The following CNTLN variants were observed in gnomAD, a reference collection of about 807,000 sequenced individuals.
The protein encoded by CNTLN is centlein, centrosomal protein.
In CNTLN, 212 loss-of-function variants were observed where a neutral mutation model predicts 180.0. The ratio of observed to expected loss-of-function variants is 1.18; its 90% confidence interval spans 1.05 to 1.32. The LOEUF is 1.32. Among genes scored for constraint, CNTLN ranks in the 40% most tolerant of loss-of-function variants. CNTLN has a pLI of 0.00. For missense variants in CNTLN, 2,095 were observed against 1,610.9 expected (o/e 1.30, Z -5.14); for synonymous variants, 722 against 563.1 (o/e 1.28, Z -3.99).
At chr9:17,472,965 G>T (rs567559013) in intron 23 of CNTLN, among the ~76,000 whole-genome samples, 1 of 152,082 alleles carries the variant, frequency 6.6e-6, no homozygotes, top group Admixed American at 6.5e-5. Flanking sequence ...ATGCAGCATG[G>T]ATTCTGTGTT....
At chr9:17,512,372 C>T in the CNTLN span, among the ~76,000 whole-genome samples, 54,968 of 152,060 alleles carry the variant, frequency 0.36, 10,181 homozygotes, top group East Asian at 0.46. Context: ...TTTGCAGCAA[C>T]ATGGATGCAG....
At chr9:17,256,591 G>T (rs1278466619) in intron 5 of CNTLN, among the ~76,000 whole-genome samples, 1 of 150,290 alleles carries the variant, frequency 6.7e-6, no homozygotes, top group African/African-American at 2.5e-5. Flanking sequence ...GCTCTTAGTT[G>T]TCTTTTATTT....
chr9:17,259,501 G>C (rs1010470461), intron 5 of CNTLN, among the ~76,000 whole-genome samples: 3 of 149,412 alleles, frequency 2.0e-5, no homozygotes, highest in African/African-American at 7.6e-5. Flanking sequence ...AAATGAGTTT[G>C]GGAGGATTCC....
At chr9:17,337,795 T>C (rs1489149120) in intron 10 of CNTLN, among the ~76,000 whole-genome samples, 1 of 152,184 alleles carries the variant, frequency 6.6e-6, no homozygotes, top group Non-Finnish European at 1.5e-5. Context: ...TAACAGAGAA[T>C]CATTGTGAAA....
intron 2 of CNTLN, among the ~76,000 whole-genome samples, chr9:17,168,713 C>G (rs2131634402): frequency 6.6e-6 from 1 of 152,172 alleles, no homozygotes; most frequent in African/African-American, 2.4e-5. Flanking sequence ...CCACAGGTAT[C>G]TATTTATTTT....
chr9:17,327,160 A>G, intron 8 of CNTLN, among the ~76,000 whole-genome samples: 1 of 151,974 alleles, frequency 6.6e-6, no homozygotes, highest in Admixed American at 6.6e-5. Context: ...GTAAAAAATA[A>G]AGTCTATTAA....
intron 7 of CNTLN, among the ~76,000 whole-genome samples, chr9:17,306,709 T>C (rs948353674): frequency 6.6e-6 from 1 of 152,202 alleles, no homozygotes; most frequent in Non-Finnish European, 1.5e-5. Context: ...TCAGCACTTA[T>C]CAGTGTCCAT....
At position 17,395,197 on chromosome 9, in the gene CNTLN, A is replaced by G. The variant is rs982692569; in HGVS notation, c.2615+128A>G. Reference sequence around the variant, plus strand: ...AAAAAATACTGTCAGATCCTTTGAAATATCTTGGGAGGTCTTGTTCTGAGC... The same window carrying G: ...AAAAAATACTGTCAGATCCTTTGAAGTATCTTGGGAGGTCTTGTTCTGAGC... On this transcript the variant is annotated intron_variant, in intron 15 of 25. Transcript: ENST00000380647. The G allele has an allele frequency of 5.9e-6, 8 of 1,350,766 alleles. No homozygotes were observed. In the African/African-American group the frequency reaches 8.7e-5, roughly 15 times the overall value. 83.7% of individuals were successfully genotyped at this position (1,350,766 alleles called of 1,614,324 possible).
At chr9:17,517,979 T>C in the CNTLN span, among the ~76,000 whole-genome samples, 1 of 151,552 alleles carries the variant, frequency 6.6e-6, no homozygotes, top group East Asian at 1.9e-4. Context: ...AGGCTTTTTT[T>C]CTTCCCTAAT....
chr9:17,516,987 C>T, the CNTLN span, among the ~76,000 whole-genome samples: 5 of 152,036 alleles, frequency 3.3e-5, no homozygotes, highest in African/African-American at 1.2e-4. Context: ...ATGCAGTGGG[C>T]ACTGCAATAA....
intron 2 of CNTLN, among the ~76,000 whole-genome samples, chr9:17,155,293 C>T (rs950868868): frequency 3.9e-5 from 6 of 152,184 alleles, no homozygotes; most frequent in African/African-American, 1.4e-4. Flanking sequence ...ATCTCCTAGT[C>T]AGTATACATG....
At chr9:17,408,998 C>T (rs564524742) in intron 15 of CNTLN, among the ~76,000 whole-genome samples, 1 of 152,188 alleles carries the variant, frequency 6.6e-6, no homozygotes, top group South Asian at 2.1e-4. Flanking sequence ...CATGCTCCAA[C>T]CCTGGAAGTG....
intron 18 of CNTLN, among the ~76,000 whole-genome samples, chr9:17,426,738 T>G: frequency 6.6e-6 from 1 of 152,118 alleles, no homozygotes; most frequent in East Asian, 1.9e-4. Flanking sequence ...CTGATTACTT[T>G]GAGCCAGGAT....
chr9:17,520,591 T>C, the CNTLN span, among the ~76,000 whole-genome samples: 2 of 152,204 alleles, frequency 1.3e-5, no homozygotes, highest in Non-Finnish European at 2.9e-5. Flanking sequence ...ACTGCTCAGA[T>C]GACCAAATGC....
chr9:17,346,195 G>A (rs901198663), intron 12 of CNTLN, among the ~76,000 whole-genome samples: 10 of 152,100 alleles, frequency 6.6e-5, no homozygotes, highest in African/African-American at 2.4e-4. Context: ...GAGAAGTGAA[G>A]GGGGAAGAGT....
chr9:17,391,608 T>G (rs1826121797), intron 14 of CNTLN, among the ~76,000 whole-genome samples: 1 of 152,206 alleles, frequency 6.6e-6, no homozygotes, highest in Non-Finnish European at 1.5e-5. Flanking sequence ...AAAATGCTAA[T>G]TTCCAGAATT....
At chr9:17,234,164 T>A (rs1824990398) in intron 3 of CNTLN, among the ~76,000 whole-genome samples, 1 of 152,100 alleles carries the variant, frequency 6.6e-6, no homozygotes, top group South Asian at 2.1e-4. Context: ...TTTTAAAAAT[T>A]AGAGTATTGG....
intron 2 of CNTLN, among the ~76,000 whole-genome samples, chr9:17,164,615 T>C (rs1030965728): frequency 1.3e-5 from 2 of 150,810 alleles, no homozygotes; most frequent in African/African-American, 4.9e-5. Flanking sequence ...GCCAGCTAAT[T>C]TTTGTATTTT....
intron 6 of CNTLN, among the ~76,000 whole-genome samples, chr9:17,282,604 T>A (rs879609159): frequency 2.0e-5 from 3 of 152,208 alleles, no homozygotes; most frequent in Non-Finnish European, 4.4e-5. Flanking sequence ...ATAGCATTTG[T>A]CCATTTTTGC....
Sources: gnomAD v4.1 joint callset for allele counts (sites outside exome capture counted in the v4.1 genomes callset) on GRCh38, gnomAD v4.1.1 for gene constraint, MANE v1.5 for transcripts, NCBI Gene and HGNC (gene_info 2026-07-23, HGNC 2026-07-21) for gene names.